DNAAF11: variants seen among roughly 807,000 people sequenced by gnomAD.
DNAAF11 encodes leucine rich repeat containing 6.
DNAAF11 carries 45 observed loss-of-function variants against 60.8 expected under a neutral mutation model. That is an observed-to-expected ratio of 0.74 (90% CI 0.58 to 0.95). The LOEUF is 0.95. Among genes scored for constraint, DNAAF11 ranks in the 40% least tolerant of loss-of-function variants. DNAAF11 has a pLI of 0.00. For synonymous variants in DNAAF11, 191 were observed against 183.5 expected, an observed-to-expected ratio of 1.04 and a Z score of -0.33; for missense variants, 546 against 546.2, an observed-to-expected ratio of 1.00 and a Z score of 0.00.
chr8:132,701,140 C>T, the DNAAF11 span, among the ~76,000 whole-genome samples: 1 of 152,090 alleles, frequency 6.6e-6, no homozygotes, highest in South Asian at 2.1e-4. Context: ...TTTTAAGGGT[C>T]CCACCTCTTA....
chr8:132,590,541 T>C (rs887814466), intron 10 of DNAAF11, among the ~76,000 whole-genome samples: 1 of 152,214 alleles, frequency 6.6e-6, no homozygotes, highest in African/African-American at 2.4e-5. Flanking sequence ...CTGTACTGTA[T>C]ACATTTTGAT....
intron 10 of DNAAF11, among the ~76,000 whole-genome samples, chr8:132,605,849 G>T (rs938969238): frequency 6.6e-6 from 1 of 152,038 alleles, no homozygotes; most frequent in Non-Finnish European, 1.5e-5. Flanking sequence ...TCCTGAAGTA[G>T]AAAGATGCTT....
chr8:132,619,767 C>G (rs908987664), intron 7 of DNAAF11, among the ~76,000 whole-genome samples: 5 of 152,154 alleles, frequency 3.3e-5, no homozygotes, highest in African/African-American at 1.2e-4. Flanking sequence ...ATGTGTGAGA[C>G]TGATCTAGCA....
chr8:132,655,228 T>C (rs1014492323), intron 3 of DNAAF11, among the ~76,000 whole-genome samples: 2 of 152,014 alleles, frequency 1.3e-5, no homozygotes, highest in African/African-American at 4.8e-5. Context: ...AAAATCTGAA[T>C]AGACCTATAA....
At chr8:132,687,013 C>G in the DNAAF11 span, among the ~76,000 whole-genome samples, 1 of 152,106 alleles carries the variant, frequency 6.6e-6, no homozygotes, top group South Asian at 2.1e-4. Context: ...TTTCCATTTT[C>G]ACTTCCCCAG....
At chr8:132,579,294 T>C (rs984675304) in intron 11 of DNAAF11, among the ~76,000 whole-genome samples, 10 of 152,078 alleles carry the variant, frequency 6.6e-5, no homozygotes, top group Admixed American at 2.0e-4. Flanking sequence ...AACACCCCCA[T>C]ACACAACAGG....
chr8:132,697,636 T>A, the DNAAF11 span, among the ~76,000 whole-genome samples: 1 of 141,102 alleles, frequency 7.1e-6, no homozygotes, highest in Admixed American at 7.1e-5. Context: ...AAAAAAAAAA[T>A]CCAAAAATAA....
At chr8:132,599,321 T>C (rs1251704450) in intron 10 of DNAAF11, among the ~76,000 whole-genome samples, 1 of 152,168 alleles carries the variant, frequency 6.6e-6, no homozygotes, top group Non-Finnish European at 1.5e-5. Flanking sequence ...CCAGAAAGAT[T>C]CACAGCCAAA....
intron 10 of DNAAF11, among the ~76,000 whole-genome samples, chr8:132,601,253 C>G (rs1817581799): frequency 6.6e-6 from 1 of 152,148 alleles, no homozygotes; most frequent in African/African-American, 2.4e-5. Context: ...GAATGGCTAT[C>G]ATTAAAAAGT....
chr8:132,688,884 G>T, the DNAAF11 span, among the ~76,000 whole-genome samples: 92 of 152,214 alleles, frequency 6.0e-4, no homozygotes, highest in African/African-American at 2.1e-3. Context: ...AATCACTTAC[G>T]TTAAAAATAC....
At chr8:132,673,777 CCT>C (rs775637392) in intron 1 of DNAAF11, among the ~76,000 whole-genome samples, 1 of 152,104 alleles carries the variant, frequency 6.6e-6, no homozygotes, top group Non-Finnish European at 1.5e-5. Context: ...CACAGGCACC[CCT>C]CTCTCTCCTG....
At chr8:132,650,536 A>C (rs1196340489) in intron 3 of DNAAF11, among the ~76,000 whole-genome samples, 1 of 152,218 alleles carries the variant, frequency 6.6e-6, no homozygotes, top group East Asian at 1.9e-4. Context: ...AAAATAAAAA[A>C]TAAAACACAT....
At chr8:132,662,689 G>C (rs1040912917) in intron 1 of DNAAF11, among the ~76,000 whole-genome samples, 6 of 152,206 alleles carry the variant, frequency 3.9e-5, no homozygotes, top group Non-Finnish European at 8.8e-5. Flanking sequence ...TTGGTGATAA[G>C]TGCTAGAGCC....
chr8:132,614,902 T>C (rs1182517287), intron 8 of DNAAF11, 136 bp downstream of exon 8: 1 of 520,808 alleles, frequency 1.9e-6, no homozygotes, highest in African/African-American at 1.9e-5. Flanking sequence ...TAGTAACTTC[T>C]CTGTCTTAAC....
the DNAAF11 span, among the ~76,000 whole-genome samples, chr8:132,697,932 A>G: frequency 6.6e-6 from 1 of 152,190 alleles, no homozygotes; most frequent in East Asian, 1.9e-4. Flanking sequence ...CCAGTGATAC[A>G]ATAAGAATGG....
At chr8:132,646,674 A>C (rs1822422981) in intron 3 of DNAAF11, among the ~76,000 whole-genome samples, 3 of 152,214 alleles carry the variant, frequency 2.0e-5, no homozygotes, top group Non-Finnish European at 4.4e-5. Context: ...AAAACAAAAC[A>C]AAAAGCAAGG....
intron 10 of DNAAF11, among the ~76,000 whole-genome samples, chr8:132,608,133 G>T (rs1380481944): frequency 6.6e-6 from 1 of 151,996 alleles, no homozygotes; most frequent in Non-Finnish European, 1.5e-5. Context: ...TAAGATCCTT[G>T]CAAATAACTA....
intron 5 of DNAAF11, among the ~76,000 whole-genome samples, chr8:132,630,423 A>G (rs1820685196): frequency 1.3e-5 from 2 of 152,128 alleles, no homozygotes; most frequent in African/African-American, 4.8e-5. Flanking sequence ...AACAATTAGT[A>G]CCCTACCCTA....
At chr8:132,616,302 G>A (rs76702678) in intron 7 of DNAAF11, among the ~76,000 whole-genome samples, 2,418 of 152,188 alleles carry the variant, frequency 0.016, 74 homozygotes, top group African/African-American at 0.055. Flanking sequence ...GAAAAGGAGC[G>A]TGTATCCTTT....
Sources: allele counts gnomAD v4.1 joint callset (sites outside exome capture counted in the v4.1 genomes callset), GRCh38; gene constraint gnomAD v4.1.1; transcripts MANE v1.5; gene names NCBI Gene and HGNC (gene_info 2026-07-23, HGNC 2026-07-21).